The following ERBB4 variants were observed in gnomAD, a reference collection of about 807,000 sequenced individuals.
ERBB4 encodes the protein receptor tyrosine-protein kinase erbB-4.
A neutral mutation model predicts 158.0 loss-of-function variants in ERBB4; 42 were observed. That is an observed-to-expected ratio of 0.27 (90% CI 0.21 to 0.34). The LOEUF is 0.34. ERBB4 is among the 10% of genes least tolerant of loss of function. The pLI, the probability that ERBB4 is intolerant of heterozygous loss-of-function variation, is 1.00. For synonymous variants in ERBB4, 583 were observed against 558.7 expected (o/e 1.04, Z -0.61); for missense variants, 1,333 against 1,624.1 (o/e 0.82, Z 3.08).
chr2:212,221,666 A>G (rs923853101), intron 1 of ERBB4, among the ~76,000 whole-genome samples: 1 of 151,482 alleles, frequency 6.6e-6, no homozygotes, highest in African/African-American at 2.4e-5. Context: ...AAAACAAAAT[A>G]TTCCTGGGAA....
intron 2 of ERBB4, among the ~76,000 whole-genome samples, chr2:212,030,746 T>A (rs1423884482): frequency 1.3e-5 from 2 of 152,096 alleles, no homozygotes; most frequent in Admixed American, 6.6e-5. Context: ...GTTCAATAAT[T>A]GGTTGTGGAC....
chr2:211,993,813 A>G (rs2082134968), intron 2 of ERBB4, among the ~76,000 whole-genome samples: 1 of 151,804 alleles, frequency 6.6e-6, no homozygotes, highest in African/African-American at 2.4e-5. Context: ...AACCTAGTAG[A>G]TTCCAGTGAG....
At chr2:212,469,694 C>T (rs1481027859) in intron 1 of ERBB4, among the ~76,000 whole-genome samples, 1 of 152,140 alleles carries the variant, frequency 6.6e-6, no homozygotes, top group African/African-American at 2.4e-5. Flanking sequence ...AGTACTACCT[C>T]AAATTTGAGA....
intron 1 of ERBB4, among the ~76,000 whole-genome samples, chr2:212,498,490 C>A (rs1690705523): frequency 6.6e-6 from 1 of 152,010 alleles, no homozygotes; most frequent in Non-Finnish European, 1.5e-5. Context: ...ATTCCTATTG[C>A]AAAAACAGTT....
chr2:211,515,912 A>ATATATATATATATATATATATATTTT (rs35696520), intron 20 of ERBB4, among the ~76,000 whole-genome samples: 2 of 78,980 alleles, frequency 2.5e-5, no homozygotes, highest in African/African-American at 5.7e-5. Context: ...ATATATATAT[A>ATATATATATATATATATATATATTTT]TTTTTTTTTT....
chr2:211,612,552 A>C (rs1182087723), intron 19 of ERBB4, among the ~76,000 whole-genome samples: 2 of 152,060 alleles, frequency 1.3e-5, no homozygotes, highest in Non-Finnish European at 2.9e-5. Context: ...TATGATTGGA[A>C]GATGAAAACT....
At chr2:212,537,150 C>T (rs13428799) in intron 1 of ERBB4, among the ~76,000 whole-genome samples, 1 of 151,094 alleles carries the variant, frequency 6.6e-6, no homozygotes, top group Non-Finnish European at 1.5e-5. Context: ...GCGGCGGCGG[C>T]GGCGGAGCGG....
chr2:211,864,736 C>T (rs750203998), intron 3 of ERBB4, among the ~76,000 whole-genome samples: 3 of 151,988 alleles, frequency 2.0e-5, no homozygotes, highest in Non-Finnish European at 4.4e-5. Flanking sequence ...GAGTTCCAGG[C>T]GGGCAGATCA....
chr2:211,590,038 T>A (rs1159493835), intron 19 of ERBB4, among the ~76,000 whole-genome samples: 2 of 152,164 alleles, frequency 1.3e-5, no homozygotes, highest in Non-Finnish European at 1.5e-5. Flanking sequence ...CTAGAAAAAT[T>A]ACTGGCAGAA....
chr2:212,278,007 A>G (rs55872057), intron 1 of ERBB4, among the ~76,000 whole-genome samples: 8,306 of 151,802 alleles, frequency 0.055, 734 homozygotes, highest in African/African-American at 0.19. Context: ...TAAAATTAGT[A>G]TCACAATAAT....
chr2:212,250,549 T>A (rs1047799682), intron 1 of ERBB4, among the ~76,000 whole-genome samples: 8 of 151,984 alleles, frequency 5.3e-5, no homozygotes, highest in African/African-American at 1.7e-4. Flanking sequence ...AAATTATATT[T>A]TAAATTTGGG....
chr2:212,371,753 A>G (rs1574790396), intron 1 of ERBB4, among the ~76,000 whole-genome samples: 1 of 152,164 alleles, frequency 6.6e-6, no homozygotes, highest in African/African-American at 2.4e-5. Context: ...CCTGAGGATC[A>G]GCGCACTTTT....
intron 15 of ERBB4, among the ~76,000 whole-genome samples, chr2:211,659,495 G>T (rs1169366186): frequency 1.3e-5 from 2 of 151,840 alleles, no homozygotes; most frequent in East Asian, 1.9e-4. Flanking sequence ...CTAAGTTCCT[G>T]CTCTATCTTC....
At chr2:212,413,053 T>C (rs1297639518) in intron 1 of ERBB4, among the ~76,000 whole-genome samples, 1 of 151,698 alleles carries the variant, frequency 6.6e-6, no homozygotes, top group Non-Finnish European at 1.5e-5. Flanking sequence ...CTGCAACCTC[T>C]GCCTCCTAGG....
intron 19 of ERBB4, among the ~76,000 whole-genome samples, chr2:211,595,579 A>C (rs2068605205): frequency 6.6e-6 from 1 of 152,198 alleles, no homozygotes; most frequent in South Asian, 2.1e-4. Context: ...ACAAGATGAA[A>C]ACATCATAGT....
chr2:212,234,206 C>T (rs2083769515), intron 1 of ERBB4, among the ~76,000 whole-genome samples: 2 of 151,950 alleles, frequency 1.3e-5, no homozygotes, highest in Non-Finnish European at 2.9e-5. Context: ...TTGTTCAATT[C>T]CCAATTATGA....
chr2:211,517,631 C>T (rs1276481483), intron 20 of ERBB4, among the ~76,000 whole-genome samples: 2 of 152,118 alleles, frequency 1.3e-5, no homozygotes, highest in Non-Finnish European at 2.9e-5. Flanking sequence ...AGCTCTGTCT[C>T]TGACATTTAC....
At chr2:212,289,085 A>G (rs1255561628) in intron 1 of ERBB4, among the ~76,000 whole-genome samples, 2 of 152,100 alleles carry the variant, frequency 1.3e-5, no homozygotes, top group African/African-American at 2.4e-5. Flanking sequence ...AGAACTACCT[A>G]CGCCCCAAGT....
At chr2:212,262,376 A>G (rs1325916459) in intron 1 of ERBB4, among the ~76,000 whole-genome samples, 2 of 152,264 alleles carry the variant, frequency 1.3e-5, no homozygotes, top group Admixed American at 6.5e-5. Flanking sequence ...CCACATATAT[A>G]TATCTATAGC....
Sources: allele counts gnomAD v4.1 joint callset (sites outside exome capture counted in the v4.1 genomes callset), GRCh38; gene constraint gnomAD v4.1.1; transcripts MANE v1.5; gene names NCBI Gene and HGNC (gene_info 2026-07-23, HGNC 2026-07-21).